ANK3: variants seen among roughly 807,000 people sequenced by gnomAD.
ANK3 encodes the protein ankyrin-3.
Under a neutral mutation model 370.9 loss-of-function variants are expected in ANK3, and 57 were observed. The ratio of observed to expected loss-of-function variants is 0.15; its 90% confidence interval spans 0.12 to 0.19. The LOEUF (loss-of-function observed/expected upper bound fraction) is 0.19, where lower values mean the gene tolerates loss of function less well. Among genes scored for constraint, ANK3 ranks in the 10% least tolerant of loss-of-function variants. The pLI, the probability that ANK3 is intolerant of heterozygous loss-of-function variation, is 1.00. For missense variants in ANK3, 4,439 were observed against 5,302.1 expected (o/e 0.84, Z 5.06); for synonymous variants, 1,929 against 1,946.3 (o/e 0.99, Z 0.23).
intron 1 of ANK3, among the ~76,000 whole-genome samples, chr10:60,628,206 T>G (rs2078436441): frequency 6.6e-6 from 1 of 152,174 alleles, no homozygotes; most frequent in Admixed American, 6.5e-5. Context: ...CTATCAGGAC[T>G]ATGTCAGATG....
chr10:60,597,379 T>G (rs1156648140), intron 2 of ANK3, among the ~76,000 whole-genome samples: 1 of 152,214 alleles, frequency 6.6e-6, no homozygotes. Flanking sequence ...CTTGTTTAAT[T>G]GATTCAAATA....
At chr10:60,223,062 C>G (rs998392480) in intron 8 of ANK3, among the ~76,000 whole-genome samples, 2 of 152,158 alleles carry the variant, frequency 1.3e-5, no homozygotes, top group African/African-American at 4.8e-5. Context: ...CTCTTCTCAT[C>G]TAGACTTTTG....
intron 28 of ANK3, among the ~76,000 whole-genome samples, chr10:60,103,636 G>T (rs1258002489): frequency 6.6e-6 from 1 of 152,132 alleles, no homozygotes; most frequent in Non-Finnish European, 1.5e-5. Context: ...GTGTGTAGTG[G>T]TTGCTTCATT....
At chr10:60,405,277 T>C (rs1256651357) in intron 2 of ANK3, among the ~76,000 whole-genome samples, 1 of 152,160 alleles carries the variant, frequency 6.6e-6, no homozygotes, top group African/African-American at 2.4e-5. Flanking sequence ...CAGATGTTAA[T>C]TAACAAGTGA....
In ANK3 at chr10:60,073,887, C is replaced by G. The variant is rs555071601; in HGVS notation, c.6994G>C (p.Val2332Leu). The change falls in exon 37 of 44, where the codon GTC becomes CTC. Residue 2332 changes from valine (V) to leucine (L), a missense_variant. Val to Leu is a conservative substitution (Grantham distance 32, BLOSUM62 1). Transcript: ENST00000280772. ...GCTTGGTTACCTTTTTCGATGTGGA[C>G]TTCTATTATACGCTCCAGTTTGGGT... ...MKPKLERIIE[V>L]HIEKGNQAEP... The G allele has an allele frequency of 6.2e-7, 1 of 1,613,828 alleles. No individual in the cohort carries two copies. The highest frequency in any genetic ancestry group is 1.1e-5 in the South Asian group (1 of 91,082).
chr10:60,317,217 T>G (rs936654757), intron 1 of ANK3, among the ~76,000 whole-genome samples: 6 of 152,170 alleles, frequency 3.9e-5, no homozygotes, highest in African/African-American at 1.4e-4. Flanking sequence ...GTCTGCCTCC[T>G]GGGTTCAAGT....
intron 42 of ANK3, chr10:60,044,452 A>T (rs2076624172): frequency 1.4e-5 from 8 of 576,424 alleles, no homozygotes; most frequent in African/African-American, 2.1e-5. Flanking sequence ...AATAAGTTGT[A>T]AATTCTACTT....
chr10:60,163,931 T>C (rs2095558715), intron 23 of ANK3, among the ~76,000 whole-genome samples: 1 of 152,196 alleles, frequency 6.6e-6, no homozygotes, highest in African/African-American at 2.4e-5. Flanking sequence ...TAGATAGTTA[T>C]ACTCACAACA....
intron 5 of ANK3, among the ~76,000 whole-genome samples, chr10:60,264,225 G>C (rs945337100): frequency 1.3e-5 from 2 of 152,186 alleles, no homozygotes; most frequent in East Asian, 1.9e-4. Context: ...TAAGAAATTT[G>C]TAATAAGTTC....
intron 35 of ANK3, 83 bp downstream of exon 35, chr10:60,082,067 C>T (rs912526103): frequency 1.8e-6 from 2 of 1,092,416 alleles, no homozygotes; most frequent in Non-Finnish European, 2.7e-6. Context: ...GTTTCCCACA[C>T]TTTAGCCCTC....
At chr10:60,379,378 G>A (rs1457169572) in intron 1 of ANK3, among the ~76,000 whole-genome samples, 1 of 152,062 alleles carries the variant, frequency 6.6e-6, no homozygotes, top group Non-Finnish European at 1.5e-5. Context: ...TTTATGCAAA[G>A]GAAATAAAAT....
rs771699719 is a variant in ANK3 at position 60,071,821 on chromosome 10, T to G, written c.9060A>C (p.Ser3020=). 7 of 1,612,198 alleles carry G rather than the reference T, an allele frequency of 4.3e-6. No individual in the cohort carries two copies. In the African/African-American group the frequency reaches 6.7e-5, roughly 15 times the overall value. The change falls in exon 37 of 44, where the codon TCA becomes TCC. Residue 3020 remains serine, a synonymous_variant. Coordinates refer to ENST00000280772, the MANE Select transcript of ANK3 (RefSeq NM_020987.5). Reference sequence around the variant, plus strand: ...GGTGTTTGGAAACTTTGCTGATTTCTGAATAGGTAACTTTTTCATCTTCTA... The same window carrying G: ...GGTGTTTGGAAACTTTGCTGATTTCGGAATAGGTAACTTTTTCATCTTCTA... ...NSIEDEKVTY[S]EISKVSKHQS... is the part of the protein sequence containing the mutation.
At chr10:60,551,899 T>G (rs1311171233) in intron 2 of ANK3, among the ~76,000 whole-genome samples, 1 of 152,210 alleles carries the variant, frequency 6.6e-6, no homozygotes, top group Non-Finnish European at 1.5e-5. Context: ...ACATGTAACA[T>G]CAACCTCTGT....
At chr10:60,033,447 G>A (rs775720882) in intron 43 of ANK3, among the ~76,000 whole-genome samples, 1 of 149,022 alleles carries the variant, frequency 6.7e-6, no homozygotes, top group East Asian at 2.0e-4. Flanking sequence ...CCCAGGAGGC[G>A]GAGGTTGCAG....
intron 1 of ANK3, among the ~76,000 whole-genome samples, chr10:60,306,267 T>G (rs1339996433): frequency 6.6e-6 from 1 of 152,012 alleles, no homozygotes; most frequent in Admixed American, 6.5e-5. Flanking sequence ...TTTGTGTCCA[T>G]CATAGCTTAG....
At chr10:60,670,101 G>T (rs1438808311) in intron 1 of ANK3, among the ~76,000 whole-genome samples, 1 of 152,100 alleles carries the variant, frequency 6.6e-6, no homozygotes, top group African/African-American at 2.4e-5. Context: ...CAGGATTACA[G>T]GCATGAACCA....
chr10:60,246,530 G>C (rs1292614695), intron 7 of ANK3, among the ~76,000 whole-genome samples: 1 of 152,174 alleles, frequency 6.6e-6, no homozygotes, highest in Non-Finnish European at 1.5e-5. Flanking sequence ...TAACCTCACT[G>C]CTCTCAGAGA....
Position 60,085,161 on chromosome 10 carries a change from C to T in ANK3, c.3841G>A (p.Ala1281Thr), listed in dbSNP as rs1381736715. Residue 1281 changes from alanine to threonine, a missense_variant, in exon 31 of 44, where the codon GCC becomes ACC. Physicochemically the swap from Ala to Thr is moderately conservative, Grantham distance 58. Transcript: ENST00000280772. The part of the protein sequence containing the change: ...DCVSFTTNVS[A>T]RFWLADCHQV... ...TGGAATCCTTTATTTCCATACCTGG[C>T]TGAAACATTGGTTGTAAAGGAGACA... 6.2e-7 allele frequency: 1 copy of T among 1,609,110 alleles called. No individual in the cohort carries two copies.
In ANK3 at chr10:60,076,024, C is replaced by T. The variant is rs756799484; in HGVS notation, c.4857G>A (p.Thr1619=). The change falls in exon 37 of 44, where the codon ACG becomes ACA. Residue 1619 remains threonine, a synonymous_variant. Transcript: ENST00000280772. ...TPLKGLASNS[T]FSSRTSPVTT... ...TCACTGGAGAGGTTCGAGAGGAAAA[C>T]GTAGAATTGGATGCCAGCCCTTTTA... 2.7e-5 allele frequency: 43 copies of T among 1,614,026 alleles called. No homozygotes were observed. Among genetic ancestry groups the T allele is most frequent in the Non-Finnish European group, 3.2e-5 (38 of 1,180,010 alleles).
Sources: gnomAD v4.1 joint callset for allele counts (sites outside exome capture counted in the v4.1 genomes callset) on GRCh38, gnomAD v4.1.1 for gene constraint, MANE v1.5 for transcripts, NCBI Gene and HGNC (gene_info 2026-07-23, HGNC 2026-07-21) for gene names.